The following WDR41 variants were observed in gnomAD, a reference collection of about 807,000 sequenced individuals.
WDR41 encodes the protein WD repeat-containing protein 41.
WDR41 carries 63 observed loss-of-function variants against 69.3 expected under a neutral mutation model. The observed-to-expected ratio is 0.91, with a 90% CI of 0.74 to 1.12. WDR41 has a LOEUF of 1.12. Ranked by LOEUF, WDR41 falls within the 50% of genes most tolerant of loss-of-function variation. The probability of loss-of-function intolerance (pLI) is 0.00; values close to 1 mark genes in which losing one functional copy is unlikely to be tolerated. For missense variants in WDR41, 543 were observed against 534.5 expected (o/e 1.02, Z -0.16); for synonymous variants, 185 against 192.1 (o/e 0.96, Z 0.31).
chr5:77,554,580 A>G (rs1743356648), intron 1 of WDR41, among the ~76,000 whole-genome samples: 1 of 151,216 alleles, frequency 6.6e-6, no homozygotes, highest in Non-Finnish European at 1.5e-5. Flanking sequence ...CTCCAGAACT[A>G]TCAGAAATAA....
At chr5:77,535,037 C>T (rs932595483) in intron 1 of WDR41, among the ~76,000 whole-genome samples, 10 of 152,084 alleles carry the variant, frequency 6.6e-5, no homozygotes, top group African/African-American at 2.2e-4. Context: ...ATACCAAAGA[C>T]GTTCATGGAT....
At chr5:77,620,007 T>C (rs1744747263) in intron 1 of WDR41, among the ~76,000 whole-genome samples, 1 of 152,034 alleles carries the variant, frequency 6.6e-6, no homozygotes, top group Non-Finnish European at 1.5e-5. Flanking sequence ...GTGAAATATG[T>C]CCAAGAAATA....
chr5:77,474,300 G>A (rs1001594451), intron 2 of WDR41, among the ~76,000 whole-genome samples: 3 of 151,992 alleles, frequency 2.0e-5, no homozygotes, highest in African/African-American at 7.3e-5. Context: ...TGGGGGGAGT[G>A]GGGAGGGATA....
rs1273608785 is a variant in WDR41 at position 77,431,745 on chromosome 5, A to G, written c.*1390T>C. On this transcript the variant is annotated 3_prime_UTR_variant, in exon 13 of 13. Coordinates refer to ENST00000296679, the MANE Select transcript of WDR41 (RefSeq NM_018268.4). ...AACAACTTTACAAATGTATGGGCCA[A>G]TGCAGAATTTCTAAAGGAAAAAGCA... 3 of 152,256 alleles carry G rather than the reference A, an allele frequency of 2.0e-5. No individual in the cohort carries two copies. Among genetic ancestry groups the G allele is most frequent in the African/African-American group, 4.8e-5 (2 of 41,470 alleles). 9.4% of individuals were successfully genotyped at this position (152,256 alleles called of 1,614,324 possible). A position where few individuals can be genotyped will look rare whatever the true frequency, so the allele number is the denominator to read the frequency against.
rs1743968249 is a variant in WDR41, at chr5:77,582,941, A to G, written c.42+37538T>C. 4.3e-6 allele frequency: 7 copies of G among 1,609,288 alleles called. No individual in the cohort carries two copies. In the Admixed American group the frequency reaches 1.2e-4, roughly 27 times the overall value. On this transcript the variant is annotated intron_variant, in intron 1 of 5. Coordinates refer to the WDR41 transcript ENST00000509971. ...AAATACGGCATTATCTGCATGGAGG[A>G]TTTGATTCATGAGATCTATACTGTT... is the stretch of plus-strand genomic sequence containing the variant.
At chr5:77,464,714 A>G (rs370178592) in intron 3 of WDR41, 47 bp downstream of exon 3, 3 of 1,574,818 alleles carry the variant, frequency 1.9e-6, no homozygotes, top group Non-Finnish European at 2.6e-6. Flanking sequence ...ATACTCAACT[A>G]CATCATCATA....
At chr5:77,487,089 T>G (rs1412266180) in intron 2 of WDR41, among the ~76,000 whole-genome samples, 1 of 152,206 alleles carries the variant, frequency 6.6e-6, no homozygotes, top group Non-Finnish European at 1.5e-5. Context: ...GGGATAGGAA[T>G]AGCCAAGAGG....
chr5:77,533,854 A>T (rs1383462912), intron 1 of WDR41, among the ~76,000 whole-genome samples: 1 of 152,122 alleles, frequency 6.6e-6, no homozygotes, highest in African/African-American at 2.4e-5. Flanking sequence ...CTACTTCTTT[A>T]TGTGATGCCT....
intron 1 of WDR41, among the ~76,000 whole-genome samples, chr5:77,595,176 G>A (rs1484412895): frequency 6.6e-6 from 1 of 152,102 alleles, no homozygotes; most frequent in Non-Finnish European, 1.5e-5. Flanking sequence ...TTGCTATAAA[G>A]TCTTTAAAGG....
chr5:77,578,104 GCAAAGT>G (rs1441195245), intron 1 of WDR41, among the ~76,000 whole-genome samples: 2 of 152,222 alleles, frequency 1.3e-5, no homozygotes, highest in Non-Finnish European at 2.9e-5. Flanking sequence ...AATTCAAAAT[GCAAAGT>G]ACAGTTTCTA....
At position 77,529,343 on chromosome 5, in the gene WDR41, G is replaced by A. The variant is rs187002921; in HGVS notation, c.43-39771C>T. Among the ~76,000 whole-genome samples, 165 of 151,088 alleles carry A rather than the reference G, an allele frequency of 1.1e-3. 1 individual carries two copies. Among genetic ancestry groups the A allele is most frequent in the African/African-American group, 3.7e-3 (154 of 41,402 alleles). On this transcript the variant is annotated intron_variant, in intron 1 of 5. Transcript: ENST00000509971. ...CTTGTAAACCTCTACACAGAGAAAC[G>A]CTAAACTATTACTGATAAAAAAAAC...
chr5:77,458,711 T>C, intron 5 of WDR41: 1 of 163,708 alleles, frequency 6.1e-6, no homozygotes, highest in East Asian at 1.7e-4. Context: ...ATGGGACAAA[T>C]AGCTCTATAT....
intron 1 of WDR41, among the ~76,000 whole-genome samples, chr5:77,603,522 G>A (rs185303519): frequency 4.6e-5 from 7 of 152,270 alleles, no homozygotes; most frequent in Non-Finnish European, 8.8e-5. Context: ...CATCCAACAG[G>A]TTGTCTCTTC....
upstream of WDR41, among the ~76,000 whole-genome samples, chr5:77,495,578 G>A (rs115936796): frequency 2.3e-3 from 351 of 151,864 alleles, 2 homozygotes; most frequent in Non-Finnish European, 4.0e-3. Context: ...GAAAGAAATG[G>A]AAAATATTAA....
At chr5:77,599,150 G>A (rs958232945) in intron 1 of WDR41, among the ~76,000 whole-genome samples, 5 of 136,076 alleles carry the variant, frequency 3.7e-5, no homozygotes, top group Non-Finnish European at 7.8e-5. Context: ...ATAGAATTAT[G>A]TCTACTCCAT....
intron 1 of WDR41, among the ~76,000 whole-genome samples, chr5:77,618,109 G>T (rs1428949334): frequency 6.6e-6 from 1 of 152,164 alleles, no homozygotes; most frequent in Non-Finnish European, 1.5e-5. Context: ...AGGCCAGAAA[G>T]GCTCAACATT....
chr5:77,593,599 C>G (rs975110268), intron 1 of WDR41, among the ~76,000 whole-genome samples: 2 of 152,132 alleles, frequency 1.3e-5, no homozygotes, highest in Admixed American at 1.3e-4. Flanking sequence ...TAAAAATAAA[C>G]TATTATCTGA....
intron 1 of WDR41, among the ~76,000 whole-genome samples, chr5:77,589,514 T>C (rs1744098852): frequency 1.3e-5 from 2 of 152,304 alleles, no homozygotes; most frequent in South Asian, 4.1e-4. Context: ...AATCTACATA[T>C]GGTATGTCTT....
In WDR41 at chr5:77,463,155, C is replaced by T. The variant is rs1800146563; in HGVS notation, c.288G>A (p.Leu96=). 1 of 1,612,180 alleles carries T rather than the reference C, an allele frequency of 6.2e-7. No homozygotes were observed. Among genetic ancestry groups the T allele is most frequent in the African/African-American group, 1.3e-5 (1 of 74,796 alleles). Reference sequence around the variant, plus strand: ...GTTGATTTTTCTCTTCACAAGATTCCAAGGAAGGAAATGTAATAATAGCTG... The same window carrying T: ...GTTGATTTTTCTCTTCACAAGATTCTAAGGAAGGAAATGTAATAATAGCTG... The part of the protein sequence containing the change: ...KITAIITFPS[L]ESCEEKNQLI... The change falls in exon 4 of 13, where the codon TTG becomes TTA. Residue 96 remains leucine (L), a synonymous_variant. Transcript: ENST00000296679.
Sources: allele counts gnomAD v4.1 joint callset (sites outside exome capture counted in the v4.1 genomes callset), GRCh38; gene constraint gnomAD v4.1.1; transcripts MANE v1.5; gene names NCBI Gene and HGNC (gene_info 2026-07-23, HGNC 2026-07-21).